GRAMD1A: variants seen among roughly 807,000 people sequenced by gnomAD.
The protein encoded by GRAMD1A is protein Aster-A.
In GRAMD1A, 50 loss-of-function variants were observed where a neutral mutation model predicts 92.0. The observed-to-expected ratio is 0.54, with a 90% CI of 0.43 to 0.69. The LOEUF (loss-of-function observed/expected upper bound fraction) is 0.69. Among genes scored for constraint, GRAMD1A ranks in the 30% least tolerant of loss-of-function variants. The pLI is 0.00. For missense variants in GRAMD1A, 819 were observed against 978.9 expected, an observed-to-expected ratio of 0.84 and a Z score of 2.18; for synonymous variants, 405 against 403.6, an observed-to-expected ratio of 1.00 and a Z score of -0.04.
chr19:35,019,281 C>T lies in GRAMD1A; in HGVS notation c.1304C>T (p.Pro435Leu). The change falls in exon 12 of 20, where the codon CCC becomes CTC. Residue 435 changes from proline (P) to leucine (L), a missense_variant. Pro to Leu is a moderately conservative substitution (Grantham distance 98). Transcript: ENST00000317991. ...ATCCCCATCAGCAACCCACTGGGCC[C>T]CAAGAGCGCCTCCGTGGTGGAGACA... ...YTIPISNPLG[P>L]KSASVVETQT... 2 of 1,613,452 alleles carry T rather than the reference C, an allele frequency of 1.2e-6. No homozygotes were observed. Among genetic ancestry groups the T allele is most frequent in the Non-Finnish European group, 1.7e-6 (2 of 1,179,622 alleles).
intron 13 of GRAMD1A, among the ~76,000 whole-genome samples, chr19:35,020,658 CAAAAAAA>C (rs56181450): frequency 7.7e-4 from 87 of 112,290 alleles, no homozygotes; most frequent in African/African-American, 2.0e-3. Flanking sequence ...GACCCTGTCT[CAAAAAAA>C]AAAAAAAAAA....
Position 35,021,435 on chromosome 19 carries a change from T to C in GRAMD1A, c.1476-67T>C. On this transcript the variant is annotated intron_variant, in intron 13 of 19. Transcript: ENST00000317991. The surrounding 1 kb of genome is among the most constrained non-coding windows in gnomAD (Gnocchi z 5.3). ...AATTAGGGGAAGGAAAAAACTCAGC[T>C]TGTGGGACGGGGCAGCCAGGGCTGG... The C allele has an allele frequency of 1.7e-6, 2 of 1,196,910 alleles. No individual in the cohort carries two copies. The highest frequency in any genetic ancestry group is 2.5e-6 in the Non-Finnish European group (2 of 801,654). 74.1% of individuals were successfully genotyped at this position (1,196,910 alleles called of 1,614,324 possible). A position where few individuals can be genotyped will look rare whatever the true frequency, so the allele number is the denominator to read the frequency against.
chr19:35,003,672 C>T (rs2014587294), intron 1 of GRAMD1A, among the ~76,000 whole-genome samples: 1 of 152,202 alleles, frequency 6.6e-6, no homozygotes, highest in South Asian at 2.1e-4. Flanking sequence ...AGGATGTGGT[C>T]CTGCTGCTTA....
At chr19:34,995,570 G>GTTTTTCTTTTT (rs1173583059), upstream of GRAMD1A, among the ~76,000 whole-genome samples, 84 of 80,962 alleles carry the variant, frequency 1.0e-3, 14 homozygotes, top group Non-Finnish European at 1.1e-3. Flanking sequence ...TCAGATCACG[G>GTTTTTCTTTTT]GTTTTTTTTT....
At chr19:34,996,019 C>T (rs2014021040), upstream of GRAMD1A, 1 of 1,532,294 alleles carries the variant, frequency 6.5e-7, no homozygotes, top group Non-Finnish European at 8.7e-7. Context: ...TCCAGACCCT[C>T]TCCATGGATG....
In GRAMD1A at chr19:35,017,153, T is replaced by C. The variant is rs2015697941; in HGVS notation, c.1213+1186T>C. 2.0e-5 allele frequency among the ~76,000 whole-genome samples: 3 copies of C among 149,932 alleles called. 1 individual carries two copies. The South Asian group carries it at 6.3e-4, about 32-fold the overall frequency. Reference sequence around the variant, plus strand: ...TCATGCCACTGCACCTCAGCCTGGGTGACAGAGAGAGACTCCATTAAAAAA... The same window carrying C: ...TCATGCCACTGCACCTCAGCCTGGGCGACAGAGAGAGACTCCATTAAAAAA... On this transcript the variant is annotated intron_variant, in intron 11 of 19. Coordinates refer to ENST00000317991, the MANE Select transcript of GRAMD1A (RefSeq NM_020895.5).
chr19:35,000,034 T>C, upstream of GRAMD1A: 1 of 985,076 alleles, frequency 1.0e-6, no homozygotes, highest in Non-Finnish European at 1.2e-6. The surrounding 1 kb of genome is among the most constrained non-coding windows in gnomAD (Gnocchi z 4.9). Context: ...TAGTAGTTGC[T>C]AGGGACCCTT....
chr19:35,010,549 G>GCCTCT (rs2015159994), intron 6 of GRAMD1A, 170 bp downstream of exon 6: 3 of 609,544 alleles, frequency 4.9e-6, no homozygotes, highest in Non-Finnish European at 8.8e-6. Flanking sequence ...CCCCGCACCA[G>GCCTCT]CCTCTCCTCT....
At chr19:34,995,395 T>C (rs574170063), upstream of GRAMD1A, among the ~76,000 whole-genome samples, 1 of 152,150 alleles carries the variant, frequency 6.6e-6, no homozygotes, top group South Asian at 2.1e-4. Flanking sequence ...ACTTACTGTG[T>C]TGGGGCCCTG....
At chr19:34,997,395 A>AC (rs2014083216), upstream of GRAMD1A, among the ~76,000 whole-genome samples, 1 of 151,406 alleles carries the variant, frequency 6.6e-6, no homozygotes, top group African/African-American at 2.4e-5. Flanking sequence ...AAACAAAAAA[A>AC]AAAAAAAAAG....
At chr19:35,005,971 G>T (rs774778001) in intron 1 of GRAMD1A, 14 of 456,118 alleles carry the variant, frequency 3.1e-5, no homozygotes, top group South Asian at 2.0e-4. Flanking sequence ...GTGGTGGAGG[G>T]AATCCCACCT....
At chr19:35,009,658 AC>A in intron 3 of GRAMD1A, 1 of 644,192 alleles carries the variant, frequency 1.6e-6, no homozygotes, top group Non-Finnish European at 2.8e-6. Flanking sequence ...GCCCCACCTT[AC>A]AAGGCTGAAG....
chr19:35,013,816 G>A lies in GRAMD1A; in HGVS notation c.870+125G>A. On this transcript the variant is annotated intron_variant, in intron 9 of 19. Transcript: ENST00000317991. This position sits in a 1 kb window ranked among gnomAD's most constrained non-coding sequence, Gnocchi z 4.9. ...ATGGATAGGGGGACAGGGGAGGCCT[G>A]GATGGAGGAACAGGACAGGGAGGGG... The A allele has an allele frequency of 1.0e-6, 1 of 954,458 alleles. No homozygotes were observed. Among genetic ancestry groups the A allele is most frequent in the Admixed American group, 2.6e-5 (1 of 38,534 alleles). 59.1% of individuals were successfully genotyped at this position (954,458 alleles called of 1,614,324 possible).
chr19:35,010,702 T>C (rs2015171960), intron 6 of GRAMD1A: 5 of 540,532 alleles, frequency 9.3e-6, no homozygotes, highest in Non-Finnish European at 1.6e-5. Context: ...TGTGGCCTCA[T>C]GTCCGTTGGT....
intron 10 of GRAMD1A, chr19:35,015,195 A>C (rs1198455110): frequency 1.3e-5 from 2 of 152,348 alleles, no homozygotes; most frequent in African/African-American, 2.4e-5. Context: ...GGAGAGAATT[A>C]AGTGATTTCA....
intron 1 of GRAMD1A, among the ~76,000 whole-genome samples, chr19:35,003,600 G>T (rs1439337160): frequency 6.6e-6 from 1 of 152,236 alleles, no homozygotes; most frequent in East Asian, 1.9e-4. Flanking sequence ...TAGATCTGTG[G>T]CTGCGGGAAA....
At chr19:35,003,333 A>T (rs1409444502) in intron 1 of GRAMD1A, among the ~76,000 whole-genome samples, 1 of 152,148 alleles carries the variant, frequency 6.6e-6, no homozygotes, top group Non-Finnish European at 1.5e-5. Context: ...CTCTGGGTCC[A>T]CTGGGGCCTA....
In GRAMD1A at chr19:35,016,864, C is replaced by A. The variant is rs544025423; in HGVS notation, c.1213+897C>A. Among the ~76,000 whole-genome samples, 6 of 143,450 alleles carry A rather than the reference C, an allele frequency of 4.2e-5. No individual in the cohort carries two copies. The South Asian group carries it at 1.3e-3, about 31-fold the overall frequency. 94.1% of individuals were successfully genotyped at this position (143,450 alleles called of 152,430 possible). On this transcript the variant is annotated intron_variant, in intron 11 of 19. Transcript: ENST00000317991. ...AGGTTGCAGTGAGCCAAGATCGTGC[C>A]GTTGCGCTCCAGCCTGGGCGACAGA...
intron 17 of GRAMD1A, 80 bp from the exon 18 acceptor site, chr19:35,023,156 G>A: frequency 1.0e-6 from 1 of 993,298 alleles, no homozygotes; most frequent in African/African-American, 1.6e-5. Flanking sequence ...GGATAGAGGT[G>A]TCCCTACAAG....
Sources: allele counts gnomAD v4.1 joint callset (sites outside exome capture counted in the v4.1 genomes callset), GRCh38; gene constraint gnomAD v4.1.1; non-coding constraint Gnocchi (gnomAD v3.1); transcripts MANE v1.5; gene names NCBI Gene and HGNC (gene_info 2026-07-23, HGNC 2026-07-21).